PPFIA4: variants seen among roughly 807,000 people sequenced by gnomAD.
The protein encoded by PPFIA4 is PPFI scaffold protein A4.
PPFIA4 carries 98 observed loss-of-function variants against 145.7 expected under a neutral mutation model. The ratio of observed to expected loss-of-function variants is 0.67; its 90% confidence interval spans 0.57 to 0.80. The LOEUF is 0.80. PPFIA4 is among the 30% of genes least tolerant of loss of function. The pLI, the probability that PPFIA4 is intolerant of heterozygous loss-of-function variation, is 0.00. For missense variants in PPFIA4, 1,457 were observed against 1,632.7 expected (o/e 0.89, Z 1.85); for synonymous variants, 628 against 649.6 (o/e 0.97, Z 0.51).
rs1187463135 is a variant in PPFIA4 at position 203,060,033 on chromosome 1, G to T, written c.2583+182G>T. Among the ~76,000 whole-genome samples, 1 of 152,194 alleles carries T rather than the reference G, an allele frequency of 6.6e-6. No individual in the cohort carries two copies. Among genetic ancestry groups the T allele is most frequent in the East Asian group, 1.9e-4 (1 of 5,186 alleles). On this transcript the variant is annotated intron_variant, in intron 21 of 29. Transcript: ENST00000295706. This position sits in a 1 kb window ranked among gnomAD's most constrained non-coding sequence, Gnocchi z 4.8. ...ACACACACATACCAGTCGCAGGAGAGAGTTGATGCTACTTTTAATCTGTAA... is the reference window on the plus strand; with the variant it reads ...ACACACACATACCAGTCGCAGGAGATAGTTGATGCTACTTTTAATCTGTAA...
chr1:203,076,613 G>A lies in PPFIA4; in HGVS notation c.*223G>A, dbSNP rs1662569243. 1 of 581,074 alleles carries A rather than the reference G, an allele frequency of 1.7e-6. No individual in the cohort carries two copies. The allele number at this position is 581,074 out of a possible 1,614,324, so 36.0% of individuals were successfully genotyped here. A position where few individuals can be genotyped will look rare whatever the true frequency, so the allele number is the denominator to read the frequency against. On this transcript the variant is annotated 3_prime_UTR_variant, in exon 30 of 30. Transcript: ENST00000295706. ...CGGTGGATGTGGCTGGGGTTTCCTG[G>A]TATTGTGGAGGCACCCAGGTTGTCC...
chr1:203,032,607 ATTTTT>A (rs144372683), intron 1 of PPFIA4, among the ~76,000 whole-genome samples: 10 of 121,146 alleles, frequency 8.3e-5, no homozygotes, highest in Non-Finnish European at 1.0e-4. Context: ...CCCAGCTAAC[ATTTTT>A]TTTTTTTTTT....
At position 203,075,470 on chromosome 1, in the gene PPFIA4, TG is replaced by T; in HGVS notation, c.3394-104del. 1.1e-6 allele frequency: 1 copy of T among 904,264 alleles called. No homozygotes were observed. The highest frequency in any genetic ancestry group is 1.5e-6 in the Non-Finnish European group (1 of 673,786). 56.0% of individuals were successfully genotyped at this position (904,264 alleles called of 1,614,324 possible). On this transcript the variant is annotated intron_variant, in intron 28 of 29. Transcript: ENST00000295706. This position sits in a 1 kb window ranked among gnomAD's most constrained non-coding sequence, Gnocchi z 4.1. The stretch of plus-strand genomic sequence containing the variant: ...ACCTCGCTCCCTCTTTCCAAAGGGG[TG>T]GGAGTGGTGCCCCTTGAACCAGCAG...
Position 203,055,436 on chromosome 1 carries a change from A to C in PPFIA4, c.1834A>C (p.Ile612Leu). ...LDAINEEIRM[I>L]QEEKESTELR... Reference sequence around the variant, plus strand: ...CTGGTTTTGCCTCCCTTCCAGGATGATTCAGGAAGAGAAGGAGTCCACGGA... The same window carrying C: ...CTGGTTTTGCCTCCCTTCCAGGATGCTTCAGGAAGAGAAGGAGTCCACGGA... Residue 612 changes from isoleucine (I) to leucine (L), a missense_variant, in exon 16 of 30, where the codon ATT becomes CTT. Ile to Leu is a conservative substitution (Grantham distance 5). Transcript: ENST00000295706. The surrounding 1 kb of genome is among the most constrained non-coding windows in gnomAD (Gnocchi z 4.8). The C allele has an allele frequency of 1.2e-6, 2 of 1,613,834 alleles. No homozygotes were observed. The highest frequency in any genetic ancestry group is 1.6e-4 in the Middle Eastern group (1 of 6,062).
At chr1:203,040,176 G>C (rs1023463644) in intron 2 of PPFIA4, among the ~76,000 whole-genome samples, 1 of 152,250 alleles carries the variant, frequency 6.6e-6, no homozygotes, top group African/African-American at 2.4e-5. Context: ...CCCAGAGAGG[G>C]CTGGGGGTTG....
At chr1:203,052,723 A>G (rs1455733592) in intron 14 of PPFIA4, among the ~76,000 whole-genome samples, 1 of 152,070 alleles carries the variant, frequency 6.6e-6, no homozygotes, top group African/African-American at 2.4e-5. Flanking sequence ...GTGTTAGAGT[A>G]CCTTTCTGTC....
At position 203,070,997 on chromosome 1, in the gene PPFIA4, G is replaced by C. The variant is rs369403263; in HGVS notation, c.3325-695G>C. On this transcript the variant is annotated intron_variant, in intron 27 of 29. Coordinates refer to ENST00000295706, the MANE Select transcript of PPFIA4 (RefSeq NM_001304331.2). Reference sequence around the variant, plus strand: ...GAGACAGGGTCTTGTTCTATCACCCGATCTGGAGTGCAGGTGTGATCATAG... The same window carrying C: ...GAGACAGGGTCTTGTTCTATCACCCCATCTGGAGTGCAGGTGTGATCATAG... Among the ~76,000 whole-genome samples the C allele has an allele frequency of 2.7e-5, 4 of 150,050 alleles. No homozygotes were observed. In the South Asian group the frequency reaches 6.3e-4, roughly 24 times the overall value.
Position 203,059,203 on chromosome 1 carries a change from T to C in PPFIA4, c.2433T>C (p.Ser811=), listed in dbSNP as rs772535500. The change falls in exon 20 of 30, where the codon AGT becomes AGC. Residue 811 remains serine (S), a synonymous_variant. Transcript: ENST00000295706. ...TTCTGCTAACAGACTCCGAATTCAG[T>C]ATGCAGGAGCCTATGGTGCCTGCCA... ...GHVLLTDSEF[S]MQEPMVPAKL... 2 of 1,545,448 alleles carry C rather than the reference T, an allele frequency of 1.3e-6. No individual in the cohort carries two copies. Among genetic ancestry groups the C allele is most frequent in the Non-Finnish European group, 1.8e-6 (2 of 1,133,750 alleles).
rs1209247392 is a variant in PPFIA4 at position 203,048,987 on chromosome 1, G to A, written c.1419+7G>A. 2.5e-5 allele frequency: 38 copies of A among 1,548,296 alleles called. No individual in the cohort carries two copies. Among genetic ancestry groups the A allele is most frequent in the Non-Finnish European group, 3.2e-5 (37 of 1,146,726 alleles). On this transcript the variant is annotated splice_region_variant and intron_variant, in intron 12 of 29. Coordinates refer to ENST00000295706, the MANE Select transcript of PPFIA4 (RefSeq NM_001304331.2). The surrounding 1 kb of genome is among the most constrained non-coding windows in gnomAD (Gnocchi z 5.8). Reference sequence around the variant, plus strand: ...GGAGCAGCACCACCACAAGGTACCCGGCTGCGGCCAGCCCCGCCCAGCCTG... The same window carrying A: ...GGAGCAGCACCACCACAAGGTACCCAGCTGCGGCCAGCCCCGCCCAGCCTG...
Position 203,076,461 on chromosome 1 carries a change from GT to G in PPFIA4, c.*73del, listed in dbSNP as rs1227314510. On this transcript the variant is annotated 3_prime_UTR_variant, in exon 30 of 30. Coordinates refer to ENST00000295706, the MANE Select transcript of PPFIA4 (RefSeq NM_001304331.2). ...CCTCTGGCCCTGACCCCTCTTGCTC[GT>G]TCCCCTTCCTTCCGCAGCTCCTAGT... is the stretch of plus-strand genomic sequence containing the variant. 3.5e-6 allele frequency: 5 copies of G among 1,424,296 alleles called. No homozygotes were observed. The African/African-American group carries it at 7.0e-5, about 20-fold the overall frequency. 88.2% of individuals were successfully genotyped at this position (1,424,296 alleles called of 1,614,324 possible). A position where few individuals can be genotyped will look rare whatever the true frequency, so the allele number is the denominator to read the frequency against.
At chr1:203,031,488 A>G (rs1203093262) in intron 1 of PPFIA4, among the ~76,000 whole-genome samples, 1 of 151,864 alleles carries the variant, frequency 6.6e-6, no homozygotes, top group African/African-American at 2.4e-5. Flanking sequence ...ACTGCCCGCC[A>G]CTTCTGTGAC....
chr1:203,051,995 A>G lies in PPFIA4; in HGVS notation c.1620+118A>G, dbSNP rs1238112725. On this transcript the variant is annotated intron_variant, in intron 14 of 29. Coordinates refer to ENST00000295706, the MANE Select transcript of PPFIA4 (RefSeq NM_001304331.2). ...ATCCTTCCCCTTCCCTCCCGTGTCAATGACAGCTGCAGCCCTGGGGTTGAG... is the reference window on the plus strand; with the variant it reads ...ATCCTTCCCCTTCCCTCCCGTGTCAGTGACAGCTGCAGCCCTGGGGTTGAG... The G allele has an allele frequency of 5.3e-6, 6 of 1,121,956 alleles. No individual in the cohort carries two copies. The Admixed American group carries it at 6.6e-5, about 12-fold the overall frequency. The allele number at this position is 1,121,956 out of a possible 1,614,324, so 69.5% of individuals were successfully genotyped here. A position where few individuals can be genotyped will look rare whatever the true frequency, so the allele number is the denominator to read the frequency against.
At chr1:203,040,334 A>C (rs985710603) in intron 2 of PPFIA4, among the ~76,000 whole-genome samples, 1 of 152,310 alleles carries the variant, frequency 6.6e-6, no homozygotes, top group East Asian at 1.9e-4. Context: ...TGGGGTTGGG[A>C]AGGCAGCCCT....
Position 203,059,232 on chromosome 1 carries a change from TG to T in PPFIA4, c.2466del (p.Thr823ProfsTer9). 6.4e-7 allele frequency: 1 copy of T among 1,557,734 alleles called. No individual in the cohort carries two copies. On this transcript the variant is annotated frameshift_variant, in exon 20 of 30. Transcript: ENST00000295706. LOFTEE classifies it high-confidence loss of function. ...CAGGAGCCTATGGTGCCTGCCAAGC[TG>T]GGGACCCAGGCAGAGAAGGACCGGC... The part of the protein sequence containing the change: ...SMQEPMVPAK[L>X]GTQAEKDRRL...
chr1:203,035,250 C>T lies in PPFIA4; in HGVS notation c.-399-3360C>T, dbSNP rs540153728. 34 of 456,510 alleles carry T rather than the reference C, an allele frequency of 7.4e-5. No homozygotes were observed. In the East Asian group the frequency reaches 1.3e-3, roughly 17 times the overall value. The allele number at this position is 456,510 out of a possible 1,614,324, so 28.3% of individuals were successfully genotyped here. ...TCAGACGCTCCTAGCGGCCCTGCCC[C>T]GGGCTGTGGTCTCCGCAGGGGCTGG... On this transcript the variant is annotated intron_variant, in intron 1 of 29. Coordinates refer to ENST00000295706, the MANE Select transcript of PPFIA4 (RefSeq NM_001304331.2).
intron 19 of PPFIA4, among the ~76,000 whole-genome samples, chr1:203,057,713 A>C (rs532256648): frequency 1.3e-5 from 2 of 152,350 alleles, no homozygotes; most frequent in South Asian, 4.1e-4. Flanking sequence ...GGAAGAAGAG[A>C]CAATTCCAGA....
chr1:203,077,746 C>T lies in PPFIA4; in HGVS notation c.*1356C>T, dbSNP rs1662638107. On this transcript the variant is annotated 3_prime_UTR_variant, in exon 30 of 30. Coordinates refer to ENST00000295706, the MANE Select transcript of PPFIA4 (RefSeq NM_001304331.2). ...CCTGATTTGGTAGGAATATTATTCC[C>T]AAGAAATACCCGCTCCTCACCTACT... is the stretch of plus-strand genomic sequence containing the variant. 1 of 152,184 alleles carries T rather than the reference C, an allele frequency of 6.6e-6. No individual in the cohort carries two copies. Among genetic ancestry groups the T allele is most frequent in the Non-Finnish European group, 1.5e-5 (1 of 68,046 alleles). The allele number at this position is 152,184 out of a possible 1,614,324, so 9.4% of individuals were successfully genotyped here.
At chr1:203,059,944 G>A in intron 21 of PPFIA4, 93 bp downstream of exon 21, 8 of 1,080,996 alleles carry the variant, frequency 7.4e-6, no homozygotes, top group South Asian at 1.3e-5. Flanking sequence ...TTTACAGTGT[G>A]TTTCTCCCCT....
intron 5 of PPFIA4, 55 bp downstream of exon 5, chr1:203,044,508 C>T (rs151008643): frequency 1.3e-5 from 19 of 1,506,858 alleles, no homozygotes; most frequent in Non-Finnish European, 1.8e-6. Flanking sequence ...GGCTGGTTCA[C>T]CCCTGTGCCC....
Sources: gnomAD v4.1 joint callset for allele counts (sites outside exome capture counted in the v4.1 genomes callset) on GRCh38, gnomAD v4.1.1 for gene constraint, Gnocchi (gnomAD v3.1) non-coding constraint, MANE v1.5 for transcripts, NCBI Gene and HGNC (gene_info 2026-07-23, HGNC 2026-07-21) for gene names.